KCNT2: variants seen among roughly 807,000 people sequenced by gnomAD.
KCNT2 encodes potassium channel subfamily T member 2.
Under a neutral mutation model 153.8 loss-of-function variants are expected in KCNT2, and 67 were observed. The ratio of observed to expected loss-of-function variants is 0.44; its 90% CI spans 0.36 to 0.53. The LOEUF is 0.53. Ranked by LOEUF, KCNT2 falls within the 20% of genes least tolerant of loss-of-function variation. The pLI is 0.00. For synonymous variants in KCNT2, 500 were observed against 458.8 expected (o/e 1.09, Z -1.15); for missense variants, 975 against 1,354.8 (o/e 0.72, Z 4.40).
chr1:196,333,048 C>T lies in KCNT2; in HGVS notation c.1997+799G>A, dbSNP rs1219748776. 2.6e-5 allele frequency among the ~76,000 whole-genome samples: 4 copies of T among 151,794 alleles called. No homozygotes were observed. In the East Asian group the frequency reaches 7.7e-4, roughly 29 times the overall value. Reference sequence around the variant, plus strand: ...CAAATGATCCTGCCATCTCGGCCTTCCAAAGTGCTGGGATTACAAGTGTGA... The same window carrying T: ...CAAATGATCCTGCCATCTCGGCCTTTCAAAGTGCTGGGATTACAAGTGTGA... On this transcript the variant is annotated intron_variant, in intron 17 of 27. Coordinates refer to ENST00000294725, the MANE Select transcript of KCNT2 (RefSeq NM_198503.5).
At chr1:196,512,515 A>C (rs1681714717) in intron 1 of KCNT2, among the ~76,000 whole-genome samples, 1 of 152,174 alleles carries the variant, frequency 6.6e-6, no homozygotes, top group Admixed American at 6.5e-5. Flanking sequence ...CTCATGGTTC[A>C]GCCAAAATCA....
Position 196,227,445 on chromosome 1 carries a change from T to G in KCNT2, c.*779A>C, listed in dbSNP as rs1466620739. Reference sequence around the variant, plus strand: ...TTAAATTTAAGTCAACAAATGTGTATTAAGTATTTTCTCTATGCTAGGCAT... The same window carrying G: ...TTAAATTTAAGTCAACAAATGTGTAGTAAGTATTTTCTCTATGCTAGGCAT... On this transcript the variant is annotated 3_prime_UTR_variant, in exon 28 of 28. Coordinates refer to ENST00000294725, the MANE Select transcript of KCNT2 (RefSeq NM_198503.5). The G allele has an allele frequency of 2.0e-5, 3 of 152,072 alleles. No individual in the cohort carries two copies. Among genetic ancestry groups the G allele is most frequent in the Non-Finnish European group, 2.9e-5 (2 of 67,910 alleles). 9.4% of individuals were successfully genotyped at this position (152,072 alleles called of 1,614,324 possible).
chr1:196,583,742 A>G (rs17654724), intron 1 of KCNT2, among the ~76,000 whole-genome samples: 1,728 of 152,190 alleles, frequency 0.011, 12 homozygotes, highest in Non-Finnish European at 0.018. Flanking sequence ...TGGACCTGGC[A>G]TGAAAAAGAT....
At chr1:196,508,005 T>TAA (rs1429053783) in intron 1 of KCNT2, among the ~76,000 whole-genome samples, 1 of 151,702 alleles carries the variant, frequency 6.6e-6, no homozygotes, top group Non-Finnish European at 1.5e-5. Context: ...GATGGTGCAG[T>TAA]AATTAAGGCA....
At chr1:196,592,218 T>C (rs536380852) in intron 1 of KCNT2, among the ~76,000 whole-genome samples, 6 of 152,032 alleles carry the variant, frequency 3.9e-5, no homozygotes, top group Non-Finnish European at 8.8e-5. Context: ...TGCAATAACA[T>C]GGATGGAACT....
chr1:196,571,936 G>T (rs1396485742), intron 1 of KCNT2, among the ~76,000 whole-genome samples: 1 of 152,058 alleles, frequency 6.6e-6, no homozygotes, highest in Admixed American at 6.6e-5. Context: ...GATTGTGCAG[G>T]TGTTAAAATC....
At chr1:196,558,954 T>C (rs1415461839) in intron 1 of KCNT2, among the ~76,000 whole-genome samples, 1 of 151,284 alleles carries the variant, frequency 6.6e-6, no homozygotes, top group Non-Finnish European at 1.5e-5. Context: ...AAACAAGTAA[T>C]AGCATAAGAG....
At chr1:196,284,414 A>G (rs1469459419) in intron 23 of KCNT2, among the ~76,000 whole-genome samples, 2 of 149,884 alleles carry the variant, frequency 1.3e-5, no homozygotes, top group African/African-American at 2.4e-5. Flanking sequence ...AACAGTTTTT[A>G]GAACAGTTTT....
chr1:196,552,012 T>C (rs1157499966), intron 1 of KCNT2, among the ~76,000 whole-genome samples: 3 of 151,574 alleles, frequency 2.0e-5, no homozygotes, highest in African/African-American at 7.3e-5. Context: ...TTTTCTGATG[T>C]GTTAGAAATG....
rs12746181 is a variant in KCNT2 at position 196,341,028 on chromosome 1, T to A, written c.1554-458A>T. ...GGTTTACTTTAAATTTTAGAAAAAA[T>A]ATATATATTTAAATAGTCTTAAATA... On this transcript the variant is annotated intron_variant, in intron 15 of 27. Transcript: ENST00000294725. Among the ~76,000 whole-genome samples, 680 of 151,646 alleles carry A rather than the reference T, an allele frequency of 4.5e-3. 4 individuals carry two copies. The highest frequency in any genetic ancestry group is 7.9e-3 in the Non-Finnish European group (537 of 67,868).
chr1:196,440,258 C>A (rs1675107811), intron 8 of KCNT2, among the ~76,000 whole-genome samples: 1 of 151,874 alleles, frequency 6.6e-6, no homozygotes, highest in African/African-American at 2.4e-5. Flanking sequence ...TGAACTTTGT[C>A]TTCAGTTCTG....
intron 1 of KCNT2, among the ~76,000 whole-genome samples, chr1:196,521,184 T>C (rs946402677): frequency 5.9e-5 from 9 of 152,104 alleles, no homozygotes; most frequent in African/African-American, 2.2e-4. Context: ...CCAACAATCA[T>C]ATAAAAAATA....
chr1:196,381,464 A>G (rs1279917958), intron 13 of KCNT2, among the ~76,000 whole-genome samples: 1 of 150,050 alleles, frequency 6.7e-6, no homozygotes, highest in Non-Finnish European at 1.5e-5. Context: ...ATGCTAAGTT[A>G]TATATATATA....
chr1:196,430,363 T>C (rs1674033490), intron 8 of KCNT2, among the ~76,000 whole-genome samples: 1 of 151,128 alleles, frequency 6.6e-6, no homozygotes, highest in Non-Finnish European at 1.5e-5. Flanking sequence ...GGGAATGGGC[T>C]CCCTCACAAG....
intron 14 of KCNT2, chr1:196,343,172 A>G (rs973080940): frequency 1.3e-5 from 2 of 152,190 alleles, no homozygotes; most frequent in Non-Finnish European, 2.9e-5. Flanking sequence ...TAACAGCCTG[A>G]ACTGACTAAA....
At chr1:196,368,139 TG>T (rs1017790804) in intron 14 of KCNT2, among the ~76,000 whole-genome samples, 2 of 152,140 alleles carry the variant, frequency 1.3e-5, no homozygotes, top group African/African-American at 4.8e-5. Context: ...TTACATTACA[TG>T]GGGCAGAACA....
rs1227857318 is a variant in KCNT2, at chr1:196,423,720, T to C, written c.1122-607A>G. Among the ~76,000 whole-genome samples the C allele has an allele frequency of 9.2e-5, 10 of 108,160 alleles. No homozygotes were observed. The South Asian group carries it at 4.3e-3, about 47-fold the overall frequency. The allele number at this position is 108,160 out of a possible 152,430, so 71.0% of individuals were successfully genotyped here. A position where few individuals can be genotyped will look rare whatever the true frequency, so the allele number is the denominator to read the frequency against. ...CATTTATCTCTGTGGTTCTCTGTGA[T>C]AAAGTAAATATTTTCCAAAAAAAAA... On this transcript the variant is annotated intron_variant, in intron 11 of 27. Transcript: ENST00000294725.
At chr1:196,329,177 A>G (rs1045435097) in intron 18 of KCNT2, among the ~76,000 whole-genome samples, 1 of 152,094 alleles carries the variant, frequency 6.6e-6, no homozygotes, top group African/African-American at 2.4e-5. Flanking sequence ...GGATAAGGCA[A>G]TCCCAACTCA....
At chr1:196,343,747 G>A (rs1215237265) in intron 14 of KCNT2, among the ~76,000 whole-genome samples, 4 of 151,902 alleles carry the variant, frequency 2.6e-5, no homozygotes, top group Admixed American at 6.6e-5. Flanking sequence ...CTCTATAATC[G>A]TGTTTTGTTT....
Sources: allele counts gnomAD v4.1 joint callset (sites outside exome capture counted in the v4.1 genomes callset), GRCh38; gene constraint gnomAD v4.1.1; transcripts MANE v1.5; gene names NCBI Gene and HGNC (gene_info 2026-07-23, HGNC 2026-07-21).